HSPA14: variants seen among roughly 807,000 people sequenced by gnomAD.
HSPA14 encodes the protein heat shock protein family A (Hsp70) member 14.
A neutral mutation model predicts 65.5 loss-of-function variants in HSPA14; 37 were observed. That is an observed-to-expected ratio of 0.56 (90% CI 0.43 to 0.74). The LOEUF (loss-of-function observed/expected upper bound fraction) is 0.74. Among genes scored for constraint, HSPA14 ranks in the 30% least tolerant of loss-of-function variants. The pLI is 0.00. For synonymous variants in HSPA14, 203 were observed against 214.2 expected (o/e 0.95, Z 0.46); for missense variants, 564 against 607.6 (o/e 0.93, Z 0.75).
At chr10:14,843,169 A>G (rs985367410) in intron 3 of HSPA14, among the ~76,000 whole-genome samples, 3 of 152,176 alleles carry the variant, frequency 2.0e-5, no homozygotes, top group Non-Finnish European at 2.9e-5. Context: ...GGGGTTCAGG[A>G]AGGCAAGGGA....
chr10:14,841,486 TC>T (rs1441300385), intron 3 of HSPA14, among the ~76,000 whole-genome samples: 1 of 152,078 alleles, frequency 6.6e-6, no homozygotes, highest in Non-Finnish European at 1.5e-5. Flanking sequence ...TCACCACCTC[TC>T]CCCGTGGTTA....
intron 10 of HSPA14, among the ~76,000 whole-genome samples, chr10:14,865,767 C>A (rs929196455): frequency 6.6e-6 from 1 of 152,116 alleles, no homozygotes; most frequent in African/African-American, 2.4e-5. Flanking sequence ...CAGCTTTGTT[C>A]GTTTGGCTTA....
At chr10:14,856,704 A>C (rs1832701353) in intron 10 of HSPA14, among the ~76,000 whole-genome samples, 1 of 151,952 alleles carries the variant, frequency 6.6e-6, no homozygotes, top group Admixed American at 6.6e-5. Context: ...TCTACAAAAA[A>C]CAAAATTAGC....
intron 5 of HSPA14, 34 bp from the exon 6 acceptor site, chr10:14,849,687 C>T (rs748604791): frequency 7.0e-7 from 1 of 1,421,432 alleles, no homozygotes; most frequent in Non-Finnish European, 9.8e-7. Context: ...TCATTTTCTT[C>T]TGTCATCAGA....
chr10:14,854,675 A>G (rs1206625388), intron 9 of HSPA14, among the ~76,000 whole-genome samples: 1 of 152,212 alleles, frequency 6.6e-6, no homozygotes, highest in Non-Finnish European at 1.5e-5. Flanking sequence ...AAAATTTCCA[A>G]GACTGCAGTA....
chr10:14,839,856 C>T (rs1355895682), intron 1 of HSPA14, 49 bp from the exon 2 acceptor site: 7 of 1,384,404 alleles, frequency 5.1e-6, no homozygotes, highest in East Asian at 4.7e-5. Context: ...CAAATGCACA[C>T]GTCTGAATAC....
chr10:14,839,737 T>C (rs1000942756), intron 1 of HSPA14, among the ~76,000 whole-genome samples, 168 bp from the exon 2 acceptor site: 3 of 152,214 alleles, frequency 2.0e-5, no homozygotes, highest in African/African-American at 7.2e-5. Context: ...CATGGAATTA[T>C]AGGCTTTCTA....
rs1001684775 is a variant in HSPA14 at position 14,842,781 on chromosome 10, G to C, written c.221+2624G>C. 14 of 1,536,394 alleles carry C rather than the reference G, an allele frequency of 9.1e-6. No homozygotes were observed. Among genetic ancestry groups the C allele is most frequent in the African/African-American group, 1.4e-5 (1 of 73,062 alleles). ...GCATCAGATGAGGATTGTCAGCTAA[G>C]AATCAGTGACCGGATACGAGAAACC... On this transcript the variant is annotated intron_variant, in intron 3 of 13. Coordinates refer to ENST00000378372, the MANE Select transcript of HSPA14 (RefSeq NM_016299.4). The surrounding 1 kb of genome is among the most constrained non-coding windows in gnomAD (Gnocchi z 5.2).
chr10:14,838,664 G>A, intron 1 of HSPA14: 2 of 529,952 alleles, frequency 3.8e-6, no homozygotes, highest in Non-Finnish European at 6.6e-6. Flanking sequence ...ACTCCGCGGC[G>A]GAGGCTCGCG....
At chr10:14,850,872 G>A (rs1386056710) in intron 6 of HSPA14, 1 of 168,962 alleles carries the variant, frequency 5.9e-6, no homozygotes, top group East Asian at 1.8e-4. Context: ...CATGAAGACA[G>A]GACACCTGTC....
intron 10 of HSPA14, among the ~76,000 whole-genome samples, chr10:14,866,066 G>A (rs1196003438): frequency 6.6e-6 from 1 of 151,874 alleles, no homozygotes; most frequent in Non-Finnish European, 1.5e-5. Flanking sequence ...TATACCACTT[G>A]CTACTTATTA....
chr10:14,848,662 G>A lies in HSPA14; in HGVS notation c.270+5G>A, dbSNP rs1185498104. 2 of 1,606,524 alleles carry A rather than the reference G, an allele frequency of 1.2e-6. No homozygotes were observed. Among genetic ancestry groups the A allele is most frequent in the Non-Finnish European group, 1.7e-6 (2 of 1,174,438 alleles). The stretch of plus-strand genomic sequence containing the variant: ...ATCGCGGAAAGTAAATGTTTAGTGA[G>A]TATGGTTCTGTTATTGCTTCCCTGT... On this transcript the variant is annotated splice_donor_5th_base_variant and intron_variant, in intron 4 of 13. Transcript: ENST00000378372.
At chr10:14,838,595 G>A in intron 1 of HSPA14, 136 bp downstream of exon 1, 2 of 829,758 alleles carry the variant, frequency 2.4e-6, no homozygotes, top group South Asian at 1.8e-5. Context: ...AGGACACTCC[G>A]GAGCGAAGGG....
At chr10:14,845,446 G>A in intron 3 of HSPA14, 1 of 985,436 alleles carries the variant, frequency 1.0e-6, no homozygotes, top group Non-Finnish European at 1.2e-6. Context: ...ACCATGAGTA[G>A]ACGGCAAGCG....
intron 7 of HSPA14, among the ~76,000 whole-genome samples, chr10:14,851,639 TA>T (rs1385124995): frequency 6.6e-6 from 1 of 152,232 alleles, no homozygotes; most frequent in African/African-American, 2.4e-5. Flanking sequence ...CAATTCCAGT[TA>T]TTAGACATGT....
chr10:14,858,985 G>T (rs1351313919), intron 10 of HSPA14, among the ~76,000 whole-genome samples: 1 of 152,106 alleles, frequency 6.6e-6, no homozygotes, highest in Non-Finnish European at 1.5e-5. Context: ...GTTCTAGTAT[G>T]AGGAGAGTTT....
At chr10:14,869,336 A>T (rs1832835240) in intron 12 of HSPA14, among the ~76,000 whole-genome samples, 1 of 146,618 alleles carries the variant, frequency 6.8e-6, no homozygotes, top group African/African-American at 2.5e-5. Flanking sequence ...TTGCTCTGTC[A>T]CCTAGGCCAG....
Position 14,844,076 on chromosome 10 carries a change from C to T in HSPA14, c.221+3919C>T, listed in dbSNP as rs527689963. ...CCAAGATTCTCCACCAAATGGAAGACCTTTCAGAAATGCCAGGGGTGACCT... is the reference window on the plus strand; with the variant it reads ...CCAAGATTCTCCACCAAATGGAAGATCTTTCAGAAATGCCAGGGGTGACCT... On this transcript the variant is annotated intron_variant, in intron 3 of 13. Coordinates refer to ENST00000378372, the MANE Select transcript of HSPA14 (RefSeq NM_016299.4). 14 of 1,424,090 alleles carry T rather than the reference C, an allele frequency of 9.8e-6. No individual in the cohort carries two copies. In the East Asian group the frequency reaches 3.1e-4, roughly 32 times the overall value. 88.2% of individuals were successfully genotyped at this position (1,424,090 alleles called of 1,614,324 possible). A position where few individuals can be genotyped will look rare whatever the true frequency, so the allele number is the denominator to read the frequency against.
Position 14,842,600 on chromosome 10 carries a change from A to AT in HSPA14, c.221+2443_221+2444insT. On this transcript the variant is annotated intron_variant, in intron 3 of 13. Coordinates refer to ENST00000378372, the MANE Select transcript of HSPA14 (RefSeq NM_016299.4). The surrounding 1 kb of genome is among the most constrained non-coding windows in gnomAD (Gnocchi z 5.2). ...TCAGCTTCTCCGAAATCAGATAGTG[A>AT]CTGACCCAGACAACTTAATGGAGGA... 1 of 1,536,164 alleles carries AT rather than the reference A, an allele frequency of 6.5e-7. No individual in the cohort carries two copies. Among genetic ancestry groups the AT allele is most frequent in the Non-Finnish European group, 8.7e-7 (1 of 1,146,914 alleles).
Sources: gnomAD v4.1 joint callset for allele counts (sites outside exome capture counted in the v4.1 genomes callset) on GRCh38, gnomAD v4.1.1 for gene constraint, Gnocchi (gnomAD v3.1) non-coding constraint, MANE v1.5 for transcripts, NCBI Gene and HGNC (gene_info 2026-07-23, HGNC 2026-07-21) for gene names.